Variants in SLC45A4 observed in about 807,000 individuals in gnomAD.
SLC45A4 encodes the protein solute carrier family 45 member 4.
Under a neutral mutation model 63.7 loss-of-function variants are expected in SLC45A4, and 32 were observed. The ratio of observed to expected loss-of-function variants is 0.50; its 90% CI spans 0.38 to 0.67. The LOEUF (loss-of-function observed/expected upper bound fraction) is 0.67, where lower values mean the gene tolerates loss of function less well. SLC45A4 is among the 30% of genes least tolerant of loss of function. SLC45A4 has a pLI of 0.00. For missense variants in SLC45A4, 1,027 were observed against 1,157.7 expected (o/e 0.89, Z 1.64); for synonymous variants, 535 against 510.0 (o/e 1.05, Z -0.66).
intron 1 of SLC45A4, among the ~76,000 whole-genome samples, chr8:141,280,107 C>T (rs1166264282): frequency 6.6e-6 from 1 of 152,226 alleles, no homozygotes; most frequent in African/African-American, 2.4e-5. Context: ...CAGCACCACG[C>T]TGGCCCCTCA....
Position 141,212,304 on chromosome 8 carries a change from A to T in SLC45A4, c.2194T>A (p.Ser732Thr). 1 of 1,609,134 alleles carries T rather than the reference A, an allele frequency of 6.2e-7. No individual in the cohort carries two copies. Among genetic ancestry groups the T allele is most frequent in the Non-Finnish European group, 8.5e-7 (1 of 1,176,760 alleles). The change falls in exon 8 of 9, where the codon TCC (serine) becomes ACC (threonine). Residue 732 changes from serine (S) to threonine (T), a missense_variant. Transcript: ENST00000517878. ...GCCCTGCCTTCGCCGGCCAACGGGGAAGACAGGCCTTTCTGCTCCTCCTTG... is the reference window on the plus strand; with the variant it reads ...GCCCTGCCTTCGCCGGCCAACGGGGTAGACAGGCCTTTCTGCTCCTCCTTG... ...EAKEEQKGLS[S>T]PLAGEGRAGG...
At chr8:141,279,666 C>G (rs1036601610) in intron 1 of SLC45A4, among the ~76,000 whole-genome samples, 1 of 151,278 alleles carries the variant, frequency 6.6e-6, no homozygotes, top group East Asian at 1.9e-4. Flanking sequence ...CCTGGCCAGG[C>G]TGCCCTCCCT....
At chr8:141,263,685 G>A (rs1378885242) in intron 1 of SLC45A4, among the ~76,000 whole-genome samples, 2 of 150,012 alleles carry the variant, frequency 1.3e-5, no homozygotes. Flanking sequence ...CAGGAGAATT[G>A]CTTGAACCCG....
Position 141,218,112 on chromosome 8 carries a change from G to A in SLC45A4, c.1528C>T (p.Arg510Trp), listed in dbSNP as rs368799424. The change falls in exon 5 of 9, where the codon CGG (arginine) becomes TGG (tryptophan). Residue 510 changes from arginine (R) to tryptophan (W), a missense_variant. Coordinates refer to ENST00000517878, the MANE Select transcript of SLC45A4 (RefSeq NM_001286646.2). ...GTGAGGAGGTGGCAGAGGCACAGCC[G>A]CATCAGCTCCCTGGGCATCTTCAGC... ...SMLKMPRELMRLCLCHLLTWF... is the reference protein window; with the variant it reads ...SMLKMPRELMWLCLCHLLTWF... 2.8e-5 allele frequency: 45 copies of A among 1,612,164 alleles called. No individual in the cohort carries two copies. Among genetic ancestry groups the A allele is most frequent in the African/African-American group, 4.0e-5 (3 of 74,916 alleles).
intron 2 of SLC45A4, among the ~76,000 whole-genome samples, chr8:141,238,611 C>A (rs1002746811): frequency 7.9e-5 from 12 of 152,316 alleles, no homozygotes; most frequent in South Asian, 6.2e-4. Context: ...AGTCTTCCCC[C>A]ACCACCGCAT....
intron 2 of SLC45A4, among the ~76,000 whole-genome samples, chr8:141,246,543 C>T (rs752418995): frequency 7.9e-5 from 12 of 152,036 alleles, no homozygotes; most frequent in African/African-American, 2.4e-4. Context: ...TGGAGTCACA[C>T]GTTTGCGTCA....
intron 1 of SLC45A4, among the ~76,000 whole-genome samples, chr8:141,289,327 C>G (rs1188725220): frequency 6.6e-6 from 1 of 152,184 alleles, no homozygotes; most frequent in African/African-American, 2.4e-5. Flanking sequence ...CTACACTGAT[C>G]AAAAACCTAA....
At chr8:141,258,327 C>A (rs192599290) in intron 1 of SLC45A4, among the ~76,000 whole-genome samples, 29 of 152,338 alleles carry the variant, frequency 1.9e-4, no homozygotes, top group Admixed American at 1.9e-3. Flanking sequence ...CTTAAACGAC[C>A]CGAGGCCAGG....
intron 1 of SLC45A4, among the ~76,000 whole-genome samples, chr8:141,265,597 G>A (rs1365007180): frequency 2.6e-5 from 4 of 152,210 alleles, no homozygotes; most frequent in Non-Finnish European, 2.9e-5. Flanking sequence ...CTAGTACACA[G>A]CTGAAAACTC....
At chr8:141,250,119 C>T (rs770821064) in intron 2 of SLC45A4, among the ~76,000 whole-genome samples, 8 of 152,212 alleles carry the variant, frequency 5.3e-5, no homozygotes, top group Admixed American at 6.5e-5. Flanking sequence ...GACACCCCTA[C>T]AACTTTGGAA....
intron 1 of SLC45A4, among the ~76,000 whole-genome samples, chr8:141,286,458 T>G (rs1216465211): frequency 2.6e-5 from 4 of 152,148 alleles, no homozygotes; most frequent in Non-Finnish European, 5.9e-5. Flanking sequence ...CGGGGCACCC[T>G]TTACCCACAC....
At position 141,272,836 on chromosome 8, in the gene SLC45A4, AT is replaced by A. The variant is rs1305491918; in HGVS notation, c.-400-18208del. Among the ~76,000 whole-genome samples, 68 of 152,346 alleles carry A rather than the reference AT, an allele frequency of 4.5e-4. 1 individual carries two copies. Among genetic ancestry groups the A allele is most frequent in the African/African-American group, 1.6e-3 (66 of 41,572 alleles). ...AGACAGAAAGTAAACGCAACAGTGT[AT>A]TTCAACAGGCAAAGGCCAGTGACAA... On this transcript the variant is annotated intron_variant, in intron 1 of 8. Transcript: ENST00000517878.
intron 1 of SLC45A4, among the ~76,000 whole-genome samples, chr8:141,264,285 T>C (rs1829169128): frequency 6.6e-6 from 1 of 152,152 alleles, no homozygotes; most frequent in Non-Finnish European, 1.5e-5. Flanking sequence ...TGCAGTATGA[T>C]TGATCTGAGA....
intron 2 of SLC45A4, among the ~76,000 whole-genome samples, chr8:141,244,619 C>T (rs1400690937): frequency 6.6e-6 from 1 of 152,154 alleles, no homozygotes; most frequent in Non-Finnish European, 1.5e-5. Context: ...TGAGTGGGAG[C>T]ATGCAGAGGG....
At chr8:141,211,974 GA>G in intron 8 of SLC45A4, 1 of 1,280,976 alleles carries the variant, frequency 7.8e-7, no homozygotes, top group South Asian at 2.9e-5. Flanking sequence ...TTTAATTATC[GA>G]AAAAGTGGTT....
intron 2 of SLC45A4, among the ~76,000 whole-genome samples, chr8:141,222,854 G>A (rs975163079): frequency 6.6e-6 from 1 of 152,232 alleles, no homozygotes. Context: ...TGGCTGAAGC[G>A]GGGTCGGGTG....
intron 2 of SLC45A4, among the ~76,000 whole-genome samples, chr8:141,239,504 G>C (rs1027260509): frequency 6.6e-6 from 1 of 152,050 alleles, no homozygotes; most frequent in Admixed American, 6.6e-5. Flanking sequence ...CCTGCAGAAG[G>C]AAAGTAACCA....
intron 2 of SLC45A4, chr8:141,228,457 C>T (rs962371359): frequency 1.4e-5 from 19 of 1,373,626 alleles, no homozygotes; most frequent in South Asian, 9.6e-5. Context: ...GTCTCAGGGC[C>T]GACCCTGTGT....
rs781318231 is a variant in SLC45A4, at chr8:141,228,241, C to G, written c.242-6476G>C. On this transcript the variant is annotated intron_variant, in intron 2 of 8. Coordinates refer to ENST00000517878, the MANE Select transcript of SLC45A4 (RefSeq NM_001286646.2). ...CACAAGGGTCTTTGGACGGGACAGC[C>G]CTGAGGCTGGGCTTGCTTTCCCCAT... 4 of 1,613,896 alleles carry G rather than the reference C, an allele frequency of 2.5e-6. No individual in the cohort carries two copies. In the African/African-American group the frequency reaches 5.3e-5, roughly 22 times the overall value.
Sources: allele counts gnomAD v4.1 joint callset (sites outside exome capture counted in the v4.1 genomes callset), GRCh38; gene constraint gnomAD v4.1.1; transcripts MANE v1.5; gene names NCBI Gene and HGNC (gene_info 2026-07-23, HGNC 2026-07-21).